Variants in RBMS1 observed in about 807,000 individuals in gnomAD.
RBMS1 encodes RNA-binding motif, single-stranded-interacting protein 1.
In RBMS1, 17 loss-of-function variants were observed where a neutral mutation model predicts 62.3. The ratio of observed to expected loss-of-function variants is 0.27; its 90% confidence interval spans 0.19 to 0.41. The LOEUF (loss-of-function observed/expected upper bound fraction) is 0.41, where lower values mean the gene tolerates loss of function less well. Among genes scored for constraint, RBMS1 ranks in the 10% least tolerant of loss-of-function variants. The probability of loss-of-function intolerance (pLI) is 1.00; values close to 1 mark genes in which losing one functional copy is unlikely to be tolerated. For synonymous variants in RBMS1, 172 were observed against 170.0 expected (o/e 1.01, Z -0.09); for missense variants, 334 against 504.5 (o/e 0.66, Z 3.24).
intron 2 of RBMS1, chr2:160,366,982 A>G (rs1165747909): frequency 2.9e-6 from 1 of 348,162 alleles, no homozygotes; most frequent in South Asian, 1.0e-4. Flanking sequence ...CCATAAAGTC[A>G]AATTCTATTG....
rs143464660 is a variant in RBMS1, at chr2:160,378,617, T to TA, written c.76-11227dup. ...GGGCACCAAAGTAAGACTCTATCTATAAAAAAAAAAAAAAAGCACTTTGAT... is the reference window on the plus strand; with the variant it reads ...GGGCACCAAAGTAAGACTCTATCTATAAAAAAAAAAAAAAAAGCACTTTGAT... On this transcript the variant is annotated intron_variant, in intron 1 of 13. Coordinates refer to ENST00000348849, the MANE Select transcript of RBMS1 (RefSeq NM_016836.4). 1.6e-3 allele frequency among the ~76,000 whole-genome samples: 196 copies of TA among 124,110 alleles called. 2 individuals are homozygous for TA. The highest frequency in any genetic ancestry group is 4.2e-3 in the East Asian group (20 of 4,788). The allele number at this position is 124,110 out of a possible 152,430, so 81.4% of individuals were successfully genotyped here.
chr2:160,406,613 G>A (rs568361116), intron 1 of RBMS1, among the ~76,000 whole-genome samples: 1 of 152,302 alleles, frequency 6.6e-6, no homozygotes, highest in Admixed American at 6.5e-5. Context: ...AAACAGACTT[G>A]CACATTTTTT....
At chr2:160,349,256 T>C (rs1392552313) in intron 2 of RBMS1, among the ~76,000 whole-genome samples, 1 of 152,148 alleles carries the variant, frequency 6.6e-6, no homozygotes, top group Non-Finnish European at 1.5e-5. Context: ...CTGGTTTAAT[T>C]TGCTGATGTC....
intron 2 of RBMS1, among the ~76,000 whole-genome samples, chr2:160,335,245 C>A (rs1691503901): frequency 6.6e-6 from 1 of 151,894 alleles, no homozygotes; most frequent in Non-Finnish European, 1.5e-5. Context: ...AACTAATGAA[C>A]CAAGTGAAAA....
intron 2 of RBMS1, among the ~76,000 whole-genome samples, chr2:160,352,831 A>C (rs1158706937): frequency 6.6e-6 from 1 of 152,146 alleles, no homozygotes; most frequent in Admixed American, 6.5e-5. Context: ...GCATCATGAT[A>C]AAGTGACATC....
chr2:160,425,844 C>G (rs1323883508), intron 1 of RBMS1, among the ~76,000 whole-genome samples: 2 of 152,078 alleles, frequency 1.3e-5, no homozygotes, highest in Non-Finnish European at 2.9e-5. Flanking sequence ...GATTCTTATT[C>G]CCTTATATAT....
At chr2:160,340,753 T>G (rs1175778594) in intron 2 of RBMS1, among the ~76,000 whole-genome samples, 5 of 152,224 alleles carry the variant, frequency 3.3e-5, no homozygotes, top group Non-Finnish European at 7.4e-5. Context: ...TCCATTAATG[T>G]TTGTAAAACT....
intron 2 of RBMS1, among the ~76,000 whole-genome samples, chr2:160,323,403 G>T (rs191715109): frequency 6.6e-6 from 1 of 151,984 alleles, no homozygotes; most frequent in Admixed American, 6.6e-5. Flanking sequence ...TTGGGCCTGG[G>T]AGGCAGAGGT....
At chr2:160,453,948 C>T (rs542161902) in intron 1 of RBMS1, among the ~76,000 whole-genome samples, 1 of 152,328 alleles carries the variant, frequency 6.6e-6, no homozygotes, top group East Asian at 1.9e-4. Flanking sequence ...ATTCACTCCT[C>T]CTTCCCAACC....
At chr2:160,382,090 T>C (rs1460022968) in intron 1 of RBMS1, among the ~76,000 whole-genome samples, 1 of 152,170 alleles carries the variant, frequency 6.6e-6, no homozygotes, top group African/African-American at 2.4e-5. Context: ...TGGACTAAGC[T>C]TTATGTGTTT....
intron 4 of RBMS1, among the ~76,000 whole-genome samples, chr2:160,307,125 A>G (rs774990734): frequency 1.3e-5 from 2 of 152,182 alleles, no homozygotes; most frequent in Non-Finnish European, 2.9e-5. Flanking sequence ...TAAAGCACTC[A>G]GTCATCATCC....
At chr2:160,453,344 A>G (rs1429408455) in intron 1 of RBMS1, among the ~76,000 whole-genome samples, 1 of 152,162 alleles carries the variant, frequency 6.6e-6, no homozygotes, top group East Asian at 1.9e-4. Flanking sequence ...ATCCTTTCCA[A>G]AAGTTTCCCC....
chr2:160,354,937 C>T lies in RBMS1; in HGVS notation c.251+12279G>A, dbSNP rs368025816. On this transcript the variant is annotated intron_variant, in intron 2 of 13. Coordinates refer to ENST00000348849, the MANE Select transcript of RBMS1 (RefSeq NM_016836.4). ...TGTTTGTGCTGTGAGTCTACTTTCT[C>T]GCTAATTCTAGATACACCATTTATG... Among the ~76,000 whole-genome samples the T allele has an allele frequency of 4.6e-5, 7 of 152,106 alleles. No homozygotes were observed. In the South Asian group the frequency reaches 8.3e-4, roughly 18 times the overall value.
chr2:160,445,693 TTG>T, intron 1 of RBMS1, among the ~76,000 whole-genome samples: 1 of 152,344 alleles, frequency 6.6e-6, no homozygotes, highest in East Asian at 1.9e-4. Context: ...TTAAATAAAG[TTG>T]TGTCTTGCTA....
At chr2:160,425,116 G>A (rs1682496455) in intron 1 of RBMS1, among the ~76,000 whole-genome samples, 1 of 152,158 alleles carries the variant, frequency 6.6e-6, no homozygotes, top group African/African-American at 2.4e-5. Context: ...ATTCCTGCCA[G>A]TGTGGCTGCT....
chr2:160,445,034 T>C (rs991420502), intron 1 of RBMS1, among the ~76,000 whole-genome samples: 1 of 152,118 alleles, frequency 6.6e-6, no homozygotes, highest in African/African-American at 2.4e-5. Context: ...TCTGGAAATT[T>C]CCCTTCCCAG....
intron 1 of RBMS1, among the ~76,000 whole-genome samples, chr2:160,416,696 A>T (rs1431801897): frequency 2.0e-5 from 3 of 152,150 alleles, no homozygotes; most frequent in Admixed American, 1.3e-4. Flanking sequence ...AGAATTTCAG[A>T]GGTGGAAAGA....
rs748752435 is a variant in RBMS1 at position 160,313,159 on chromosome 2, T to C, written c.399A>G (p.Ala133=). The part of the protein sequence containing the change: ...LKASGVQAQM[A]KQQEQDPTNL... ...CAATTGCTGGCTCTCAACTCACCTT[T>C]GCCATTTGAGCTTGAACCCCACTGG... Residue 133 remains alanine, a synonymous_variant, in exon 4 of 14, where the codon GCA becomes GCG. Transcript: ENST00000348849. The C allele has an allele frequency of 4.3e-6, 7 of 1,613,346 alleles. No homozygotes were observed. The South Asian group carries it at 7.7e-5, about 18-fold the overall frequency.
intron 1 of RBMS1, among the ~76,000 whole-genome samples, chr2:160,437,098 A>G (rs1318404396): frequency 3.3e-5 from 5 of 152,204 alleles, no homozygotes; most frequent in African/African-American, 1.2e-4. Flanking sequence ...GGACCCTGGA[A>G]GAGCGATGTT....
Sources: allele counts gnomAD v4.1 joint callset (sites outside exome capture counted in the v4.1 genomes callset), GRCh38; gene constraint gnomAD v4.1.1; transcripts MANE v1.5; gene names NCBI Gene and HGNC (gene_info 2026-07-23, HGNC 2026-07-21).